Variants in SLC39A12 observed in about 807,000 individuals in gnomAD.
SLC39A12 encodes the protein solute carrier family 39 member 12.
A neutral mutation model predicts 71.1 loss-of-function variants in SLC39A12; 63 were observed. The ratio of observed to expected loss-of-function variants is 0.89; its 90% confidence interval spans 0.72 to 1.09. The LOEUF is 1.09. SLC39A12 is among the 50% of genes least tolerant of loss of function. The pLI, the probability that SLC39A12 is intolerant of heterozygous loss-of-function variation, is 0.00. For missense variants in SLC39A12, 892 were observed against 812.6 expected (o/e 1.10, Z -1.19); for synonymous variants, 351 against 301.3 (o/e 1.16, Z -1.71).
At position 18,027,407 on chromosome 10, in the gene SLC39A12, A is replaced by G. The variant is rs114076797; in HGVS notation, c.1948-15298A>G. Among the ~76,000 whole-genome samples, 120 of 152,354 alleles carry G rather than the reference A, an allele frequency of 7.9e-4. 1 individual carries two copies. Among genetic ancestry groups the G allele is most frequent in the African/African-American group, 2.8e-3 (117 of 41,584 alleles). Reference sequence around the variant, plus strand: ...CTTGTTAAGAGCAGAATGCTCTGGTATATTTCAAAATGATTATTTTCCCTC... The same window carrying G: ...CTTGTTAAGAGCAGAATGCTCTGGTGTATTTCAAAATGATTATTTTCCCTC... On this transcript the variant is annotated intron_variant, in intron 12 of 12. Coordinates refer to ENST00000377369, the MANE Select transcript of SLC39A12 (RefSeq NM_001145195.2).
chr10:17,956,090 G>A (rs1022509745), intron 2 of SLC39A12, among the ~76,000 whole-genome samples: 5 of 152,022 alleles, frequency 3.3e-5, no homozygotes, highest in East Asian at 1.9e-4. Flanking sequence ...TTCCTCAGGC[G>A]CCAGATGTCT....
At chr10:17,986,464 C>T (rs2497837) in intron 6 of SLC39A12, among the ~76,000 whole-genome samples, 64,631 of 151,930 alleles carry the variant, frequency 0.43, 14,202 homozygotes, top group East Asian at 0.55. Flanking sequence ...GTGAGGGTCT[C>T]GTTCCTGGTT....
intron 10 of SLC39A12, 53 bp downstream of exon 10, chr10:17,995,775 T>A (rs971096606): frequency 6.7e-7 from 1 of 1,485,408 alleles, no homozygotes; most frequent in Non-Finnish European, 9.3e-7. Flanking sequence ...AAAACAGTTA[T>A]GTCTGTTTTA....
chr10:18,011,337 C>T (rs1836216499), intron 12 of SLC39A12, among the ~76,000 whole-genome samples: 1 of 152,198 alleles, frequency 6.6e-6, no homozygotes, highest in Non-Finnish European at 1.5e-5. Flanking sequence ...GATCCACCTG[C>T]CTCAGCTTCC....
intron 7 of SLC39A12, among the ~76,000 whole-genome samples, 168 bp from the exon 8 acceptor site, chr10:17,990,983 A>C (rs1835528111): frequency 6.6e-6 from 1 of 152,236 alleles, no homozygotes; most frequent in African/African-American, 2.4e-5. Context: ...AAGCATTCAC[A>C]TACCCAAAAG....
At chr10:18,019,325 A>G (rs148394483) in intron 12 of SLC39A12, among the ~76,000 whole-genome samples, 45 of 151,878 alleles carry the variant, frequency 3.0e-4, no homozygotes, top group African/African-American at 1.1e-3. Flanking sequence ...TATTTTATTA[A>G]TCTTTTCAAT....
rs1835425456 is a variant in SLC39A12, at chr10:17,987,399, T to G, written c.1097-80T>G. 7 of 1,350,118 alleles carry G rather than the reference T, an allele frequency of 5.2e-6. No individual in the cohort carries two copies. The South Asian group carries it at 8.9e-5, about 17-fold the overall frequency. 83.6% of individuals were successfully genotyped at this position (1,350,118 alleles called of 1,614,324 possible). ...CTACTGGCTGTTACTGTAAGACCAATTCTTCTGGCATTTTCGCCAGCTGAG... is the reference window on the plus strand; with the variant it reads ...CTACTGGCTGTTACTGTAAGACCAAGTCTTCTGGCATTTTCGCCAGCTGAG... On this transcript the variant is annotated intron_variant, in intron 6 of 12. Coordinates refer to ENST00000377369, the MANE Select transcript of SLC39A12 (RefSeq NM_001145195.2).
At chr10:17,990,937 C>T (rs1466098133) in intron 7 of SLC39A12, among the ~76,000 whole-genome samples, 1 of 152,086 alleles carries the variant, frequency 6.6e-6, no homozygotes, top group East Asian at 1.9e-4. Flanking sequence ...TTTTATTGTA[C>T]ACAATTTATT....
intron 4 of SLC39A12, among the ~76,000 whole-genome samples, chr10:17,972,345 C>A (rs690893): frequency 0.67 from 102,253 of 152,016 alleles, 34,478 homozygotes; most frequent in South Asian, 0.72. Context: ...TATATATTAG[C>A]TCCATTTGGT....
At chr10:18,010,902 A>T (rs1413333595) in intron 12 of SLC39A12, among the ~76,000 whole-genome samples, 1 of 152,136 alleles carries the variant, frequency 6.6e-6, no homozygotes, top group Non-Finnish European at 1.5e-5. Context: ...CCGTCCCTTC[A>T]ATGTGAAGAT....
At chr10:17,975,103 G>C (rs560701996) in intron 4 of SLC39A12, among the ~76,000 whole-genome samples, 16 of 152,104 alleles carry the variant, frequency 1.1e-4, no homozygotes, top group Non-Finnish European at 1.8e-4. Context: ...AAGGCCCAAG[G>C]GCTCTTGAAT....
chr10:18,037,558 G>T (rs996013604), intron 12 of SLC39A12, among the ~76,000 whole-genome samples: 2 of 152,164 alleles, frequency 1.3e-5, no homozygotes, highest in African/African-American at 4.8e-5. Flanking sequence ...AAAACTGAAA[G>T]GAGTGAATAG....
chr10:17,996,091 C>T (rs2130833475), intron 10 of SLC39A12, among the ~76,000 whole-genome samples: 1 of 152,218 alleles, frequency 6.6e-6, no homozygotes, highest in South Asian at 2.1e-4. Flanking sequence ...ATTGTTTTTT[C>T]ATCTTCTAGC....
intron 5 of SLC39A12, among the ~76,000 whole-genome samples, chr10:17,980,948 T>A (rs1409901321): frequency 4.6e-5 from 7 of 152,300 alleles, no homozygotes; most frequent in Middle Eastern, 3.4e-3. Context: ...AAGTCTTTTT[T>A]AACACAAAGC....
intron 12 of SLC39A12, among the ~76,000 whole-genome samples, chr10:18,027,431 TCTC>T (rs1836709499): frequency 6.6e-6 from 1 of 152,220 alleles, no homozygotes; most frequent in Admixed American, 6.5e-5. Flanking sequence ...TTATTTTCCC[TCTC>T]CTCCTACCAG....
chr10:18,038,673 A>ATAAATAAC (rs1434346484), intron 12 of SLC39A12, among the ~76,000 whole-genome samples: 1 of 152,110 alleles, frequency 6.6e-6, no homozygotes, highest in Non-Finnish European at 1.5e-5. Flanking sequence ...AAATAAATAA[A>ATAAATAAC]TAAATAAATA....
At chr10:18,030,576 T>C (rs1589257114) in intron 12 of SLC39A12, among the ~76,000 whole-genome samples, 1 of 151,908 alleles carries the variant, frequency 6.6e-6, no homozygotes, top group Non-Finnish European at 1.5e-5. Flanking sequence ...CTTGAAAACA[T>C]AGAACCAGTA....
Position 17,953,480 on chromosome 10 carries a change from G to T in SLC39A12, c.204G>T (p.Leu68Phe). 7 of 1,614,200 alleles carry T rather than the reference G, an allele frequency of 4.3e-6. No individual in the cohort carries two copies. Among genetic ancestry groups the T allele is most frequent in the Non-Finnish European group, 5.9e-6 (7 of 1,180,044 alleles). Residue 68 changes from leucine to phenylalanine, a missense_variant, in exon 2 of 13, where the codon TTG becomes TTT. Physicochemically the swap from Leu to Phe is conservative, Grantham distance 22. Coordinates refer to ENST00000377369, the MANE Select transcript of SLC39A12 (RefSeq NM_001145195.2). ...ACTCAAGAAGCCTCATCAAAACATT[G>T]TTGGAGAAAACTGGGTGCCCACGGA... ...HNHSRSLIKT[L>F]LEKTGCPRRR... is the part of the protein sequence containing the mutation.
chr10:17,961,556 T>C, intron 2 of SLC39A12, 25 bp from the exon 3 acceptor site: 1 of 1,584,372 alleles, frequency 6.3e-7, no homozygotes, highest in Non-Finnish European at 8.6e-7. Flanking sequence ...GTTTCTTTTG[T>C]TGTTGTTATT....
Sources: gnomAD v4.1 joint callset for allele counts (sites outside exome capture counted in the v4.1 genomes callset) on GRCh38, gnomAD v4.1.1 for gene constraint, MANE v1.5 for transcripts, NCBI Gene and HGNC (gene_info 2026-07-23, HGNC 2026-07-21) for gene names.